The following CA10 variants were observed in gnomAD, a reference collection of about 807,000 sequenced individuals.
CA10 encodes carbonic anhydrase 10 (inactive), also known as carbonic anhydrase-related protein 10.
Under a neutral mutation model 44.2 loss-of-function variants are expected in CA10, and 14 were observed. The observed-to-expected ratio is 0.32, with a 90% CI of 0.21 to 0.50. The LOEUF is 0.50. CA10 is among the 20% of genes least tolerant of loss of function. The probability of loss-of-function intolerance (pLI) is 0.99; values close to 1 mark genes in which losing one functional copy is unlikely to be tolerated. For synonymous variants in CA10, 159 were observed against 141.6 expected, an observed-to-expected ratio of 1.12 and a Z score of -0.87; for missense variants, 350 against 409.7, an observed-to-expected ratio of 0.85 and a Z score of 1.26.
intron 2 of CA10, among the ~76,000 whole-genome samples, chr17:52,015,716 TCAAGAAATGAG>T (rs1258529181): frequency 5.3e-5 from 8 of 152,074 alleles, no homozygotes; most frequent in Non-Finnish European, 2.9e-5. Flanking sequence ...CACCATTTCT[TCAAGAAATGAG>T]CACATATTTG....
chr17:51,778,514 C>T (rs1175204319), intron 3 of CA10, among the ~76,000 whole-genome samples: 3 of 152,348 alleles, frequency 2.0e-5, no homozygotes, highest in African/African-American at 7.2e-5. Flanking sequence ...CAGGATTTAA[C>T]ACTTTGCTAG....
chr17:51,895,129 C>A (rs1188230178), intron 3 of CA10, among the ~76,000 whole-genome samples: 1 of 152,030 alleles, frequency 6.6e-6, no homozygotes, highest in African/African-American at 2.4e-5. Context: ...GGACCCTATA[C>A]CACACTCTTA....
rs61633220 is a variant in CA10, at chr17:52,069,915, C to T, written c.136+2404G>A. On this transcript the variant is annotated intron_variant, in intron 2 of 8. Transcript: ENST00000451037. ...CAAGTTCTCTCCTATTTCACACATC[C>T]ATAACCTGAAAAAAATCTCAGTAAC... 2.6e-3 allele frequency among the ~76,000 whole-genome samples: 392 copies of T among 152,228 alleles called. 2 individuals carry two copies. Among genetic ancestry groups the T allele is most frequent in the African/African-American group, 8.5e-3 (355 of 41,534 alleles).
chr17:51,788,718 A>G (rs549728885), intron 3 of CA10, among the ~76,000 whole-genome samples: 37 of 152,328 alleles, frequency 2.4e-4, no homozygotes, highest in African/African-American at 8.4e-4. Context: ...TGAACACTTC[A>G]ATGGTTCTTA....
In CA10 at chr17:51,633,565, A is replaced by G. The variant is rs1395894439; in HGVS notation, c.875T>C (p.Leu292Pro). ...MSDNFRPVQPLNNRCIRTNIN... is the reference protein window; with the variant it reads ...MSDNFRPVQPPNNRCIRTNIN... ...ATTGGTGCGGATGCAGCGGTTGTTG[A>G]GTGGCTGGACAGGCCTGAAGTTGTC... The change falls in exon 8 of 9, where the codon CTC becomes CCC. Residue 292 changes from leucine to proline, a missense_variant. Coordinates refer to ENST00000451037, the MANE Select transcript of CA10 (RefSeq NM_020178.5). 2.5e-6 allele frequency: 4 copies of G among 1,613,892 alleles called. No individual in the cohort carries two copies. The highest frequency in any genetic ancestry group is 2.7e-5 in the African/African-American group (2 of 74,908).
At chr17:51,673,803 G>A (rs1353708893) in intron 4 of CA10, among the ~76,000 whole-genome samples, 2 of 152,200 alleles carry the variant, frequency 1.3e-5, no homozygotes, top group Non-Finnish European at 1.5e-5. Context: ...TATGGGAAAT[G>A]TCCAGGCTCT....
intron 4 of CA10, among the ~76,000 whole-genome samples, chr17:51,685,115 G>C (rs1357803153): frequency 6.6e-6 from 1 of 152,182 alleles, no homozygotes; most frequent in Non-Finnish European, 1.5e-5. Flanking sequence ...ATATATGTTT[G>C]ATCTCCAGAA....
intron 2 of CA10, among the ~76,000 whole-genome samples, chr17:52,058,085 T>C (rs1567718716): frequency 6.6e-6 from 1 of 152,062 alleles, no homozygotes; most frequent in African/African-American, 2.4e-5. Flanking sequence ...AGTGCTGAAA[T>C]ATATATGCAG....
chr17:51,798,016 G>A (rs1442043814), intron 3 of CA10, among the ~76,000 whole-genome samples: 1 of 152,176 alleles, frequency 6.6e-6, no homozygotes, highest in African/African-American at 2.4e-5. Context: ...GGGAGAGGAA[G>A]TGACTTGCCT....
At chr17:51,705,299 T>G (rs1449992013) in intron 4 of CA10, among the ~76,000 whole-genome samples, 1 of 152,164 alleles carries the variant, frequency 6.6e-6, no homozygotes. Flanking sequence ...ACCTCCCAGG[T>G]GAGGCCTGGC....
chr17:52,057,584 C>A (rs1046500988), intron 2 of CA10, among the ~76,000 whole-genome samples: 32 of 152,036 alleles, frequency 2.1e-4, no homozygotes, highest in Non-Finnish European at 4.7e-4. Flanking sequence ...CAAAGTTATA[C>A]ATGGATTTTT....
intron 3 of CA10, among the ~76,000 whole-genome samples, chr17:51,808,882 CTATATT>C (rs1907245036): frequency 6.6e-6 from 1 of 152,200 alleles, no homozygotes; most frequent in Admixed American, 6.5e-5. Context: ...AGAATATGCA[CTATATT>C]TATAATTTCA....
In CA10 at chr17:51,729,562, G is replaced by T. The variant is rs138866536; in HGVS notation, c.465+18071C>A. Among the ~76,000 whole-genome samples the T allele has an allele frequency of 3.4e-3, 524 of 152,232 alleles. 12 individuals carry two copies. The highest frequency in any genetic ancestry group is 5.7e-4 in the Non-Finnish European group (39 of 68,008). ...CTTTAGCACCCATCTCCTTAAGGTTGTTTTTTTCTGACAGTTATCACTGCC... is the reference window on the plus strand; with the variant it reads ...CTTTAGCACCCATCTCCTTAAGGTTTTTTTTTTCTGACAGTTATCACTGCC... On this transcript the variant is annotated intron_variant, in intron 4 of 8. Transcript: ENST00000451037.
At chr17:51,859,509 C>T (rs1201578962) in intron 3 of CA10, among the ~76,000 whole-genome samples, 3 of 152,094 alleles carry the variant, frequency 2.0e-5, no homozygotes, top group African/African-American at 7.2e-5. Flanking sequence ...CCTTGGGATA[C>T]CCAGTCACAC....
intron 1 of CA10, among the ~76,000 whole-genome samples, chr17:52,141,721 C>T (rs191707866): frequency 6.6e-6 from 1 of 152,018 alleles, no homozygotes; most frequent in South Asian, 2.1e-4. Context: ...TTGCTGAGCT[C>T]TGGTCTGAGT....
At chr17:52,098,562 A>C (rs1237501592) in intron 1 of CA10, among the ~76,000 whole-genome samples, 3 of 152,232 alleles carry the variant, frequency 2.0e-5, no homozygotes, top group African/African-American at 7.2e-5. Flanking sequence ...TAAGTCCTGT[A>C]CTGACCTAAG....
intron 3 of CA10, among the ~76,000 whole-genome samples, chr17:51,874,408 A>G (rs1000768153): frequency 5.4e-5 from 8 of 148,120 alleles, no homozygotes; most frequent in African/African-American, 2.0e-4. Flanking sequence ...AAAAAAAAAC[A>G]AAAACTGAAA....
rs556425786 is a variant in CA10, at chr17:51,981,954, C to T, written c.137-50822G>A. On this transcript the variant is annotated intron_variant, in intron 2 of 8. Transcript: ENST00000451037. ...TTTCCCTAACATTTTCTACAGTAAG[C>T]CCAACATGATGTAATATATGAGGGT... is the stretch of plus-strand genomic sequence containing the variant. 1.1e-4 allele frequency among the ~76,000 whole-genome samples: 16 copies of T among 152,008 alleles called. No individual in the cohort carries two copies. In the South Asian group the frequency reaches 3.3e-3, roughly 32 times the overall value.
intron 2 of CA10, among the ~76,000 whole-genome samples, chr17:52,054,441 A>C (rs1166504057): frequency 6.6e-6 from 1 of 152,132 alleles, no homozygotes; most frequent in Non-Finnish European, 1.5e-5. Context: ...AAACTTCATT[A>C]GCAATTTTAA....
Sources: gnomAD v4.1 joint callset for allele counts (sites outside exome capture counted in the v4.1 genomes callset) on GRCh38, gnomAD v4.1.1 for gene constraint, MANE v1.5 for transcripts, NCBI Gene and HGNC (gene_info 2026-07-23, HGNC 2026-07-21) for gene names.